The following CTNNA2 variants were observed in gnomAD, a reference collection of about 807,000 sequenced individuals.
CTNNA2 encodes catenin alpha 2, also known as catenin alpha-2.
Under a neutral mutation model 101.0 loss-of-function variants are expected in CTNNA2, and 42 were observed. The observed-to-expected ratio is 0.42, with a 90% CI of 0.32 to 0.54. CTNNA2 has a LOEUF of 0.54. CTNNA2 is among the 20% of genes least tolerant of loss of function. CTNNA2 has a pLI of 0.14. For missense variants in CTNNA2, 871 were observed against 1,223.1 expected, an observed-to-expected ratio of 0.71 and a Z score of 4.29; for synonymous variants, 450 against 456.4, an observed-to-expected ratio of 0.99 and a Z score of 0.18.
intron 3 of CTNNA2, among the ~76,000 whole-genome samples, chr2:79,764,652 A>T (rs1284355565): frequency 6.6e-6 from 1 of 152,230 alleles, no homozygotes; most frequent in Non-Finnish European, 1.5e-5. Context: ...GGTTCTCCAA[A>T]AGCCACAGAA....
chr2:79,785,780 G>A (rs1330422731), intron 3 of CTNNA2, among the ~76,000 whole-genome samples: 1 of 152,006 alleles, frequency 6.6e-6, no homozygotes, highest in East Asian at 1.9e-4. Flanking sequence ...CTGGGAAACA[G>A]GTACTCCATT....
chr2:79,209,534 A>C (rs1303686585), intron 2 of CTNNA2, among the ~76,000 whole-genome samples: 1 of 152,246 alleles, frequency 6.6e-6, no homozygotes, highest in East Asian at 1.9e-4. Context: ...TTATTCTTGT[A>C]TCAGTGAGAG....
chr2:80,328,755 C>T (rs145793692), intron 7 of CTNNA2, among the ~76,000 whole-genome samples: 6 of 152,144 alleles, frequency 3.9e-5, no homozygotes, highest in African/African-American at 7.2e-5. Flanking sequence ...CTGAGAAATG[C>T]GTTTTCATTG....
At chr2:80,215,887 C>T (rs1365508968) in intron 7 of CTNNA2, among the ~76,000 whole-genome samples, 1 of 152,194 alleles carries the variant, frequency 6.6e-6, no homozygotes, top group Non-Finnish European at 1.5e-5. Context: ...AGGCAGGCCT[C>T]CTTGAGCTGC....
chr2:80,445,063 C>A (rs900065875), intron 9 of CTNNA2, among the ~76,000 whole-genome samples: 2 of 152,194 alleles, frequency 1.3e-5, no homozygotes, highest in Non-Finnish European at 2.9e-5. Flanking sequence ...CACTTGGGAA[C>A]CACTGTCTTA....
At chr2:79,208,326 A>G (rs924658867) in intron 2 of CTNNA2, among the ~76,000 whole-genome samples, 3 of 152,222 alleles carry the variant, frequency 2.0e-5, no homozygotes, top group Admixed American at 6.5e-5. Context: ...AGATTCTCTA[A>G]CAATGAGCTC....
At chr2:80,436,802 C>T (rs1682082372) in intron 9 of CTNNA2, among the ~76,000 whole-genome samples, 1 of 152,158 alleles carries the variant, frequency 6.6e-6, no homozygotes, top group South Asian at 2.1e-4. Context: ...CAATCCCATT[C>T]ACAAGGACTC....
At chr2:79,578,721 C>T (rs1675952866) in intron 1 of CTNNA2, among the ~76,000 whole-genome samples, 1 of 152,102 alleles carries the variant, frequency 6.6e-6, no homozygotes, top group African/African-American at 2.4e-5. Context: ...TATTCTGTTT[C>T]CGGGGCCTGT....
chr2:80,030,879 T>TA (rs1273672982), intron 7 of CTNNA2, among the ~76,000 whole-genome samples: 1 of 151,938 alleles, frequency 6.6e-6, no homozygotes, highest in Non-Finnish European at 1.5e-5. Flanking sequence ...TCAATAGACA[T>TA]AAAAAAGTGG....
chr2:80,460,193 C>T (rs1300767132), intron 9 of CTNNA2, among the ~76,000 whole-genome samples: 2 of 152,054 alleles, frequency 1.3e-5, no homozygotes, highest in Non-Finnish European at 2.9e-5. Context: ...GTGCACAGGT[C>T]CTGCTGGAAA....
At chr2:79,764,964 T>C (rs1200988021) in intron 3 of CTNNA2, among the ~76,000 whole-genome samples, 3 of 152,130 alleles carry the variant, frequency 2.0e-5, no homozygotes, top group Non-Finnish European at 4.4e-5. Flanking sequence ...AGTATGCATA[T>C]GTGTTAGAAA....
chr2:80,323,614 T>C (rs757058886), intron 7 of CTNNA2, among the ~76,000 whole-genome samples: 2 of 152,104 alleles, frequency 1.3e-5, no homozygotes, highest in African/African-American at 2.4e-5. Context: ...CTCTGTACTT[T>C]CATCCTCTCA....
At chr2:79,504,220 T>G (rs969048306) in intron 4 of CTNNA2, among the ~76,000 whole-genome samples, 12 of 150,922 alleles carry the variant, frequency 8.0e-5, no homozygotes, top group African/African-American at 2.9e-4. Flanking sequence ...TGAACTACTG[T>G]TTTTTTTTCC....
chr2:79,707,076 T>C (rs1407979245), intron 2 of CTNNA2, among the ~76,000 whole-genome samples: 1 of 152,170 alleles, frequency 6.6e-6, no homozygotes, highest in Admixed American at 6.5e-5. Flanking sequence ...TGGGGCATTT[T>C]TATGAATCAT....
chr2:80,570,482 T>G (rs1429652435), intron 12 of CTNNA2, among the ~76,000 whole-genome samples: 1 of 152,186 alleles, frequency 6.6e-6, no homozygotes, highest in Non-Finnish European at 1.5e-5. Context: ...GTGCTTAGGA[T>G]TGGTCTCAGA....
intron 17 of CTNNA2, among the ~76,000 whole-genome samples, chr2:80,610,306 C>G (rs551397562): frequency 6.6e-6 from 1 of 151,650 alleles, no homozygotes; most frequent in South Asian, 2.1e-4. Flanking sequence ...AATATGCTTA[C>G]TGTGCAAAAT....
chr2:79,744,701 A>G (rs1348414506), intron 3 of CTNNA2, 119 bp downstream of exon 3: 7 of 947,148 alleles, frequency 7.4e-6, no homozygotes, highest in African/African-American at 1.7e-5. Flanking sequence ...TTTCCTTTCT[A>G]TCTACACTTG....
intron 7 of CTNNA2, among the ~76,000 whole-genome samples, chr2:80,068,749 T>C (rs1698138815): frequency 6.6e-6 from 1 of 152,170 alleles, no homozygotes; most frequent in Non-Finnish European, 1.5e-5. Context: ...TTTGAAACCC[T>C]TTCCTGGACT....
In CTNNA2 at chr2:79,849,822, G is replaced by T. The variant is rs148898493; in HGVS notation, c.299-8191G>T. ...TTTTATTGTAGAGTGTATAGCATCT[G>T]GGATTTCATTTGTCTTTTCTCCCTG... On this transcript the variant is annotated intron_variant, in intron 3 of 18. Coordinates refer to ENST00000402739, the MANE Select transcript of CTNNA2 (RefSeq NM_001282597.3). Among the ~76,000 whole-genome samples the T allele has an allele frequency of 5.9e-5, 9 of 152,254 alleles. No individual in the cohort carries two copies. The East Asian group carries it at 1.7e-3, about 29-fold the overall frequency.
Sources: gnomAD v4.1 joint callset for allele counts (sites outside exome capture counted in the v4.1 genomes callset) on GRCh38, gnomAD v4.1.1 for gene constraint, MANE v1.5 for transcripts, NCBI Gene and HGNC (gene_info 2026-07-23, HGNC 2026-07-21) for gene names.